The following CNN3 variants were observed in gnomAD, a reference collection of about 807,000 sequenced individuals.
The protein encoded by CNN3 is calponin 3.
CNN3 carries 11 observed loss-of-function variants against 39.0 expected under a neutral mutation model. The ratio of observed to expected loss-of-function variants is 0.28; its 90% CI spans 0.18 to 0.47. The LOEUF (loss-of-function observed/expected upper bound fraction) is 0.47. Ranked by LOEUF, CNN3 falls within the 20% of genes least tolerant of loss-of-function variation. The pLI, the probability that CNN3 is intolerant of heterozygous loss-of-function variation, is 0.99. For synonymous variants in CNN3, 101 were observed against 138.3 expected (o/e 0.73, Z 1.89); for missense variants, 266 against 403.4 (o/e 0.66, Z 2.92).
intron 1 of CNN3, among the ~76,000 whole-genome samples, chr1:94,914,268 T>C (rs1052041595): frequency 2.0e-5 from 3 of 152,282 alleles, no homozygotes; most frequent in South Asian, 4.1e-4. Context: ...ATGACCTGTT[T>C]GCAACTTTTC....
chr1:94,898,715 G>A (rs1424000616), intron 6 of CNN3, among the ~76,000 whole-genome samples: 4 of 152,136 alleles, frequency 2.6e-5, no homozygotes, highest in Admixed American at 1.3e-4. Flanking sequence ...AACGTGAGTG[G>A]CAGCTATGAG....
chr1:94,919,788 C>T (rs1274559416), intron 1 of CNN3, among the ~76,000 whole-genome samples: 1 of 152,174 alleles, frequency 6.6e-6, no homozygotes, highest in Non-Finnish European at 1.5e-5. Flanking sequence ...CCTCTTTTCT[C>T]TGCATTCATG....
rs1671588424 is a variant in CNN3, at chr1:94,926,555, G to A, written c.57+283C>T. On this transcript the variant is annotated intron_variant, in intron 1 of 6. Coordinates refer to ENST00000370206, the MANE Select transcript of CNN3 (RefSeq NM_001839.5). The surrounding 1 kb of genome is among the most constrained non-coding windows in gnomAD (Gnocchi z 4.2). ...AACGGCCCCCGAGACCCCCGCAGCC[G>A]GAAAGGCTGGCGCCGCGGGACTCCA... Among the ~76,000 whole-genome samples the A allele has an allele frequency of 6.6e-6, 1 of 151,984 alleles. No homozygotes were observed. The highest frequency in any genetic ancestry group is 2.4e-5 in the African/African-American group (1 of 41,380).
chr1:94,918,738 A>T (rs975920834), intron 1 of CNN3, among the ~76,000 whole-genome samples: 1 of 151,748 alleles, frequency 6.6e-6, no homozygotes, highest in Non-Finnish European at 1.5e-5. Context: ...TACAAAAAAT[A>T]CAAAAATTAG....
intron 1 of CNN3, among the ~76,000 whole-genome samples, chr1:94,904,974 T>C (rs1670959096): frequency 6.6e-6 from 1 of 152,174 alleles, no homozygotes; most frequent in Non-Finnish European, 1.5e-5. Context: ...AGAAATGAAA[T>C]GGCATCTTGA....
At position 94,907,873 on chromosome 1, in the gene CNN3, A is replaced by G. The variant is rs1671052190; in HGVS notation, c.58-4349T>C. Among the ~76,000 whole-genome samples, 5 of 152,188 alleles carry G rather than the reference A, an allele frequency of 3.3e-5. No individual in the cohort carries two copies. In the South Asian group the frequency reaches 1.0e-3, roughly 32 times the overall value. The stretch of plus-strand genomic sequence containing the variant: ...AGACTCCGTCTCAAAAATAAGAAAT[A>G]AAAATAAAATAAAAATTACTCTTCC... On this transcript the variant is annotated intron_variant, in intron 1 of 6. Coordinates refer to ENST00000370206, the MANE Select transcript of CNN3 (RefSeq NM_001839.5).
intron 1 of CNN3, among the ~76,000 whole-genome samples, chr1:94,915,080 C>G (rs1256871226): frequency 6.6e-6 from 1 of 152,044 alleles, no homozygotes; most frequent in East Asian, 1.9e-4. Context: ...ATGGGGTCTC[C>G]CTGTGTTGCC....
intron 1 of CNN3, among the ~76,000 whole-genome samples, chr1:94,908,802 A>G (rs1273731440): frequency 2.0e-5 from 3 of 151,890 alleles, no homozygotes; most frequent in Non-Finnish European, 2.9e-5. Flanking sequence ...CAGCCTCCCA[A>G]AGTGCTGGGA....
intron 5 of CNN3, among the ~76,000 whole-genome samples, chr1:94,900,507 C>T (rs1670835390): frequency 1.3e-5 from 2 of 152,150 alleles, no homozygotes; most frequent in African/African-American, 4.8e-5. Flanking sequence ...TCTTTTCAAA[C>T]TCTAGTGTAT....
At chr1:94,905,074 A>C (rs1670961239) in intron 1 of CNN3, among the ~76,000 whole-genome samples, 1 of 152,186 alleles carries the variant, frequency 6.6e-6, no homozygotes, top group Non-Finnish European at 1.5e-5. Context: ...CTAGGTTCAT[A>C]GTGCCAGAGC....
At chr1:94,908,960 T>C (rs540282804) in intron 1 of CNN3, among the ~76,000 whole-genome samples, 1 of 139,790 alleles carries the variant, frequency 7.2e-6, no homozygotes, top group African/African-American at 2.7e-5. Flanking sequence ...GCCAGGGCAA[T>C]ATAGGGAGCC....
intron 1 of CNN3, among the ~76,000 whole-genome samples, chr1:94,925,120 G>C (rs1165599726): frequency 6.6e-6 from 1 of 152,170 alleles, no homozygotes; most frequent in African/African-American, 2.4e-5. Flanking sequence ...AAAGAAATTA[G>C]CATGGATATT....
At chr1:94,901,427 T>G (rs955079230) in intron 5 of CNN3, among the ~76,000 whole-genome samples, 6 of 151,172 alleles carry the variant, frequency 4.0e-5, no homozygotes, top group African/African-American at 1.5e-4. Flanking sequence ...GACAATATGA[T>G]TCAATTAAAA....
intron 1 of CNN3, among the ~76,000 whole-genome samples, chr1:94,913,575 G>A (rs1481844431): frequency 6.6e-6 from 1 of 152,230 alleles, no homozygotes; most frequent in African/African-American, 2.4e-5. Context: ...ATTCTGAAGG[G>A]ACACTGATAA....
rs558995326 is a variant in CNN3 at position 94,925,876 on chromosome 1, C to T, written c.57+962G>A. On this transcript the variant is annotated intron_variant, in intron 1 of 6. Transcript: ENST00000370206. Reference sequence around the variant, plus strand: ...GTTCCGCGCCGATTGGCTGGTCTCTCCCCCCAGAAACCCCTGATGTCATGG... The same window carrying T: ...GTTCCGCGCCGATTGGCTGGTCTCTTCCCCCAGAAACCCCTGATGTCATGG... 49 of 949,024 alleles carry T rather than the reference C, an allele frequency of 5.2e-5. No individual in the cohort carries two copies. The African/African-American group carries it at 7.3e-4, about 14-fold the overall frequency. The allele number at this position is 949,024 out of a possible 1,614,324, so 58.8% of individuals were successfully genotyped here. A position where few individuals can be genotyped will look rare whatever the true frequency, so the allele number is the denominator to read the frequency against.
intron 1 of CNN3, among the ~76,000 whole-genome samples, chr1:94,910,295 T>A (rs1671126150): frequency 6.6e-6 from 1 of 152,170 alleles, no homozygotes; most frequent in African/African-American, 2.4e-5. Flanking sequence ...CAGGCACAGT[T>A]CAAAGGCAAA....
intron 1 of CNN3, among the ~76,000 whole-genome samples, chr1:94,915,981 C>A (rs1349381141): frequency 1.3e-5 from 2 of 152,204 alleles, no homozygotes; most frequent in Non-Finnish European, 2.9e-5. Context: ...TGCTTTGCCC[C>A]CACACACCAT....
intron 3 of CNN3, 30 bp downstream of exon 3, chr1:94,903,092 A>G (rs371241604): frequency 1.3e-4 from 194 of 1,472,516 alleles, no homozygotes; most frequent in Non-Finnish European, 1.7e-4. Context: ...GCAACCAACT[A>G]GAACCAGAGG....
In CNN3 at chr1:94,901,802, A is replaced by C. The variant is rs1289469887; in HGVS notation, c.385-17T>G. ...TGTTTTAGCCTAGACAGAAACATGC[A>C]CACTAACTGAAAAGGCCAACAGAGT... is the stretch of plus-strand genomic sequence containing the variant. On this transcript the variant is annotated splice_polypyrimidine_tract_variant and intron_variant, in intron 4 of 6. Transcript: ENST00000370206. The C allele has an allele frequency of 6.4e-7, 1 of 1,553,566 alleles. No homozygotes were observed. The highest frequency in any genetic ancestry group is 8.9e-7 in the Non-Finnish European group (1 of 1,126,962).
Sources: allele counts gnomAD v4.1 joint callset (sites outside exome capture counted in the v4.1 genomes callset), GRCh38; gene constraint gnomAD v4.1.1; non-coding constraint Gnocchi (gnomAD v3.1); transcripts MANE v1.5; gene names NCBI Gene and HGNC (gene_info 2026-07-23, HGNC 2026-07-21).